The following MAP4 variants were observed in gnomAD, a reference collection of about 807,000 sequenced individuals.
MAP4 encodes the protein microtubule associated protein 4.
In MAP4, 76 loss-of-function variants were observed where a neutral mutation model predicts 170.2. The ratio of observed to expected loss-of-function variants is 0.45; its 90% confidence interval spans 0.37 to 0.54. The LOEUF (loss-of-function observed/expected upper bound fraction) is 0.54, where lower values mean the gene tolerates loss of function less well. MAP4 is among the 20% of genes least tolerant of loss of function. MAP4 has a pLI of 0.00. For synonymous variants in MAP4, 909 were observed against 994.5 expected, an observed-to-expected ratio of 0.91 and a Z score of 1.62; for missense variants, 2,506 against 2,748.0, an observed-to-expected ratio of 0.91 and a Z score of 1.97.
At chr3:47,882,382 T>G (rs2096904382) in intron 10 of MAP4, among the ~76,000 whole-genome samples, 1 of 152,264 alleles carries the variant, frequency 6.6e-6, no homozygotes, top group Non-Finnish European at 1.5e-5. Flanking sequence ...TTCTCATTTC[T>G]GTTTCACTTT....
chr3:47,886,400 G>A (rs376482984), intron 10 of MAP4, among the ~76,000 whole-genome samples: 52 of 152,128 alleles, frequency 3.4e-4, no homozygotes, highest in African/African-American at 1.2e-3. Flanking sequence ...TTTTGGGCTC[G>A]AGCAATCCTC....
chr3:48,050,547 A>G (rs917623998), intron 1 of MAP4, among the ~76,000 whole-genome samples: 2 of 151,796 alleles, frequency 1.3e-5, no homozygotes, highest in African/African-American at 4.8e-5. Flanking sequence ...TTCGGTTTTC[A>G]TTTAATATTC....
In MAP4 at chr3:47,857,514, TGAAGA is replaced by T. The variant is rs1290574945; in HGVS notation, c.6502-7_6502-3del. 1 of 1,606,978 alleles carries T rather than the reference TGAAGA, an allele frequency of 6.2e-7. No individual in the cohort carries two copies. The highest frequency in any genetic ancestry group is 2.2e-5 in the East Asian group (1 of 44,856). ...CACTTTCTTGTTCTGAATCTGAACC[TGAAGA>T]GAAGGACACAAAAGACTCATTCAGA... is the stretch of plus-strand genomic sequence containing the variant. On this transcript the variant is annotated splice_polypyrimidine_tract_variant and splice_region_variant and intron_variant, in intron 17 of 20. Coordinates refer to ENST00000683076, the MANE Select transcript of MAP4 (RefSeq NM_001385682.1).
At position 47,937,656 on chromosome 3, in the gene MAP4, C is replaced by CTTTTTTTTTTTTT. The variant is rs71070243; in HGVS notation, c.293-9319_293-9307dup. On this transcript the variant is annotated intron_variant, in intron 3 of 20. Coordinates refer to ENST00000683076, the MANE Select transcript of MAP4 (RefSeq NM_001385682.1). ...AGAACAGCTTTTCCTTTTTCTTCTT[C>CTTTTTTTTTTTTT]TTTTTTTTTTTTTTTTTTTTTTGAG... Among the ~76,000 whole-genome samples, 73 of 107,920 alleles carry CTTTTTTTTTTTTT rather than the reference C, an allele frequency of 6.8e-4. 1 individual carries two copies. Among genetic ancestry groups the CTTTTTTTTTTTTT allele is most frequent in the Non-Finnish European group, 1.1e-3 (59 of 55,050 alleles). The allele number at this position is 107,920 out of a possible 152,430, so 70.8% of individuals were successfully genotyped here. A position where few individuals can be genotyped will look rare whatever the true frequency, so the allele number is the denominator to read the frequency against.
intron 3 of MAP4, among the ~76,000 whole-genome samples, chr3:47,971,741 G>A (rs994650444): frequency 1.5e-4 from 23 of 152,270 alleles, no homozygotes; most frequent in African/African-American, 5.1e-4. Flanking sequence ...TAAAATTGAG[G>A]ATAATACAGT....
rs1252921154 is a variant in MAP4 at position 47,909,299 on chromosome 3, C to A, written c.5122G>T (p.Val1708Leu). 3 of 1,613,798 alleles carry A rather than the reference C, an allele frequency of 1.9e-6. No homozygotes were observed. Among genetic ancestry groups the A allele is most frequent in the Admixed American group, 1.7e-5 (1 of 60,008 alleles). The change falls in exon 9 of 21, where the codon GTG (valine) becomes TTG (leucine). Residue 1708 changes from valine (V) to leucine (L), a missense_variant. By Grantham distance (32) the Val-to-Leu change is conservative. This residue lies in a region of MAP4 where 2,008 missense variants were observed against 2,206.0 expected (regional missense o/e 0.91). Coordinates refer to ENST00000683076, the MANE Select transcript of MAP4 (RefSeq NM_001385682.1). ...GTCATTATTACTAACGTATCCGCCA[C>A]CTCTGAAGGAGGAGCTTCGACTTTG... ...HSKVEAPPSE[V>L]ADTLVIMTAS...
rs35541072 is a variant in MAP4, at chr3:47,893,026, T to TAAA, written c.5434+9921_5434+9923dup. Among the ~76,000 whole-genome samples, 122 of 118,160 alleles carry TAAA rather than the reference T, an allele frequency of 1.0e-3. 1 individual carries two copies. Among genetic ancestry groups the TAAA allele is most frequent in the Non-Finnish European group, 1.6e-3 (89 of 55,142 alleles). 77.5% of individuals were successfully genotyped at this position (118,160 alleles called of 152,430 possible). Reference sequence around the variant, plus strand: ...TCCAGGAAATTGTTCAAAATTGGACTAAAAAAAAAAAAAAAAAACCACACC... The same window carrying TAAA: ...TCCAGGAAATTGTTCAAAATTGGACTAAAAAAAAAAAAAAAAAAAAACCACACC... On this transcript the variant is annotated intron_variant, in intron 10 of 20. Transcript: ENST00000683076.
chr3:48,029,307 G>A (rs1352102919), intron 1 of MAP4, among the ~76,000 whole-genome samples: 1 of 151,808 alleles, frequency 6.6e-6, no homozygotes, highest in Non-Finnish European at 1.5e-5. Context: ...GCGTGGTGGT[G>A]CACACCCATA....
intron 18 of MAP4, among the ~76,000 whole-genome samples, 166 bp downstream of exon 18, chr3:47,857,265 C>T (rs1244745615): frequency 6.6e-6 from 1 of 152,198 alleles, no homozygotes; most frequent in Non-Finnish European, 1.5e-5. Flanking sequence ...GGTTAGCACC[C>T]GAACTCCTGC....
At position 47,909,280 on chromosome 3, in the gene MAP4, A is replaced by G; in HGVS notation, c.5141T>C (p.Ile1714Thr). 2 of 1,613,898 alleles carry G rather than the reference A, an allele frequency of 1.2e-6. No individual in the cohort carries two copies. The highest frequency in any genetic ancestry group is 1.7e-6 in the Non-Finnish European group (2 of 1,179,842). The change falls in exon 9 of 21, where the codon ATA (isoleucine) becomes ACA (threonine). Residue 1714 changes from isoleucine to threonine, a missense_variant. By Grantham distance (89) the Ile-to-Thr change is moderately conservative (BLOSUM62 -1). Coordinates refer to ENST00000683076, the MANE Select transcript of MAP4 (RefSeq NM_001385682.1). ...TCGAACACCCTTGGAAGCAGTCATT[A>G]TTACTAACGTATCCGCCACCTCTGA... ...PPSEVADTLV[I>T]MTASKGVRLP...
chr3:47,861,353 C>CTTT (rs35553466), intron 17 of MAP4, among the ~76,000 whole-genome samples: 18 of 132,326 alleles, frequency 1.4e-4, no homozygotes, highest in African/African-American at 4.6e-4. Context: ...GAGACTCCGT[C>CTTT]TTTTTTTTTT....
intron 1 of MAP4, among the ~76,000 whole-genome samples, chr3:48,064,633 TAGAC>T (rs2100137500): frequency 6.6e-6 from 1 of 152,124 alleles, no homozygotes; most frequent in African/African-American, 2.4e-5. Context: ...TGGTTACAAT[TAGAC>T]AGTCATGCAT....
At chr3:48,088,498 C>T (rs1388295190) in intron 1 of MAP4, among the ~76,000 whole-genome samples, 1 of 152,036 alleles carries the variant, frequency 6.6e-6, no homozygotes, top group Non-Finnish European at 1.5e-5. Context: ...CTCGGCCCCA[C>T]CGCCCCGACC....
intron 3 of MAP4, among the ~76,000 whole-genome samples, chr3:47,942,666 T>C (rs2100057248): frequency 6.6e-6 from 1 of 152,236 alleles, no homozygotes; most frequent in African/African-American, 2.4e-5. Flanking sequence ...CTTAGATTAT[T>C]AGATCAAACA....
chr3:47,873,042 C>T (rs1276557993), intron 12 of MAP4, among the ~76,000 whole-genome samples: 3 of 151,980 alleles, frequency 2.0e-5, no homozygotes, highest in African/African-American at 4.8e-5. Flanking sequence ...ATTTCCTCAT[C>T]GGGATAAAGA....
intron 3 of MAP4, among the ~76,000 whole-genome samples, chr3:47,949,715 T>G (rs2100062447): frequency 6.6e-6 from 1 of 152,214 alleles, no homozygotes; most frequent in South Asian, 2.1e-4. Context: ...TTTGCAATAA[T>G]GAAGCTGGAC....
intron 1 of MAP4, among the ~76,000 whole-genome samples, chr3:48,085,083 T>C (rs1231358835): frequency 6.6e-6 from 1 of 151,522 alleles, no homozygotes; most frequent in Admixed American, 6.6e-5. Flanking sequence ...ATTGACTATA[T>C]ACATGAACTG....
chr3:47,891,295 A>G, intron 10 of MAP4: 4 of 1,536,174 alleles, frequency 2.6e-6, no homozygotes, highest in Non-Finnish European at 3.5e-6. Context: ...TGCTGAAGTG[A>G]GCCAATTCTT....
At chr3:47,954,672 C>G (rs1022902777) in intron 3 of MAP4, among the ~76,000 whole-genome samples, 1 of 152,178 alleles carries the variant, frequency 6.6e-6, no homozygotes, top group African/African-American at 2.4e-5. Flanking sequence ...AAAGGAAATA[C>G]CCAGACCTTT....
Sources: allele counts gnomAD v4.1 joint callset (sites outside exome capture counted in the v4.1 genomes callset), GRCh38; gene constraint gnomAD v4.1.1; regional missense constraint gnomAD v4.1.1; transcripts MANE v1.5; gene names NCBI Gene and HGNC (gene_info 2026-07-23, HGNC 2026-07-21).